SLCO3A1: variants seen among roughly 807,000 people sequenced by gnomAD.
SLCO3A1 encodes the protein PGE1 transporter.
In SLCO3A1, 27 loss-of-function variants were observed where a neutral mutation model predicts 63.1. The ratio of observed to expected loss-of-function variants is 0.43; its 90% CI spans 0.32 to 0.59. The LOEUF (loss-of-function observed/expected upper bound fraction) is 0.59. Ranked by LOEUF, SLCO3A1 falls within the 20% of genes least tolerant of loss-of-function variation. SLCO3A1 has a pLI of 0.09. For synonymous variants in SLCO3A1, 473 were observed against 409.9 expected (o/e 1.15, Z -1.86); for missense variants, 773 against 945.8 (o/e 0.82, Z 2.40).
At chr15:92,096,450 G>C (rs1472737653) in intron 3 of SLCO3A1, among the ~76,000 whole-genome samples, 2 of 152,200 alleles carry the variant, frequency 1.3e-5, no homozygotes, top group African/African-American at 4.8e-5. Flanking sequence ...GACCGTCTGG[G>C]TCATTGCCTA....
intron 9 of SLCO3A1, among the ~76,000 whole-genome samples, chr15:92,159,350 T>G (rs1162397758): frequency 6.6e-6 from 1 of 152,014 alleles, no homozygotes; most frequent in South Asian, 2.1e-4. Context: ...CCGGGCGTGG[T>G]GGCAGGCACC....
At chr15:91,994,480 A>T (rs1395440765) in intron 2 of SLCO3A1, among the ~76,000 whole-genome samples, 2 of 152,224 alleles carry the variant, frequency 1.3e-5, no homozygotes, top group African/African-American at 4.8e-5. Context: ...TTTTAAATGA[A>T]CTAAGCAGCC....
chr15:92,056,727 G>A (rs990303848), intron 2 of SLCO3A1, among the ~76,000 whole-genome samples: 4 of 152,282 alleles, frequency 2.6e-5, no homozygotes, highest in East Asian at 1.9e-4. Flanking sequence ...GCTGAGAAAA[G>A]GCACCTCTTA....
intron 2 of SLCO3A1, among the ~76,000 whole-genome samples, chr15:92,050,960 G>C (rs1354222990): frequency 6.6e-6 from 1 of 152,110 alleles, no homozygotes; most frequent in Non-Finnish European, 1.5e-5. Flanking sequence ...TTCAGACATA[G>C]TCTTCTTGTC....
chr15:91,949,325 G>A (rs967608037), intron 2 of SLCO3A1, among the ~76,000 whole-genome samples: 2 of 152,178 alleles, frequency 1.3e-5, no homozygotes, highest in Non-Finnish European at 2.9e-5. Context: ...GATAAGGGTA[G>A]TACCCATGCG....
chr15:92,005,944 A>G (rs1488818534), intron 2 of SLCO3A1, among the ~76,000 whole-genome samples: 1 of 152,002 alleles, frequency 6.6e-6, no homozygotes, highest in African/African-American at 2.4e-5. Flanking sequence ...TCTAACTCTC[A>G]CAGGAGGAAT....
chr15:92,121,945 C>T (rs565385132), intron 5 of SLCO3A1, among the ~76,000 whole-genome samples: 10 of 152,250 alleles, frequency 6.6e-5, no homozygotes, highest in Non-Finnish European at 1.2e-4. Flanking sequence ...CGGTGGCACC[C>T]GTTCTGTGGT....
At chr15:92,082,145 G>A (rs1389359187) in intron 2 of SLCO3A1, among the ~76,000 whole-genome samples, 1 of 152,182 alleles carries the variant, frequency 6.6e-6, no homozygotes, top group African/African-American at 2.4e-5. Context: ...CATAAGCAAG[G>A]TCAGTTATGT....
At chr15:92,086,396 C>T (rs914521765) in intron 2 of SLCO3A1, among the ~76,000 whole-genome samples, 2 of 152,068 alleles carry the variant, frequency 1.3e-5, no homozygotes, top group Admixed American at 6.5e-5. Flanking sequence ...TCTTATTGTT[C>T]ATTTGGATTT....
intron 3 of SLCO3A1, 77 bp from the exon 4 acceptor site, chr15:92,104,202 C>G: frequency 6.6e-7 from 1 of 1,522,390 alleles, no homozygotes; most frequent in Non-Finnish European, 9.0e-7. Flanking sequence ...CTCTGTTCAG[C>G]GGATTCAGAT....
At chr15:92,067,441 C>T (rs182283972) in intron 2 of SLCO3A1, among the ~76,000 whole-genome samples, 5 of 152,282 alleles carry the variant, frequency 3.3e-5, no homozygotes, top group East Asian at 3.9e-4. Flanking sequence ...AAGTTGACTA[C>T]GGGAATGACA....
At chr15:91,899,353 T>G (rs1898092729) in intron 1 of SLCO3A1, among the ~76,000 whole-genome samples, 1 of 152,204 alleles carries the variant, frequency 6.6e-6, no homozygotes, top group African/African-American at 2.4e-5. Context: ...AGTACCTGGT[T>G]AGTTCACCAA....
Position 91,968,107 on chromosome 15 carries a change from G to T in SLCO3A1, c.646+51649G>T, listed in dbSNP as rs1317924832. On this transcript the variant is annotated intron_variant, in intron 2 of 9. Transcript: ENST00000318445. This position sits in a 1 kb window ranked among gnomAD's most constrained non-coding sequence, Gnocchi z 4.2. Reference sequence around the variant, plus strand: ...GAAAGTACCCAGGGAAGCCACTTACGGCCTATCCATCAAAGCACAGTGCGT... The same window carrying T: ...GAAAGTACCCAGGGAAGCCACTTACTGCCTATCCATCAAAGCACAGTGCGT... 6.6e-6 allele frequency among the ~76,000 whole-genome samples: 1 copy of T among 152,028 alleles called. No individual in the cohort carries two copies. The highest frequency in any genetic ancestry group is 2.4e-5 in the African/African-American group (1 of 41,388).
At chr15:91,945,621 A>G (rs1264938887) in intron 2 of SLCO3A1, among the ~76,000 whole-genome samples, 1 of 152,158 alleles carries the variant, frequency 6.6e-6, no homozygotes, top group East Asian at 1.9e-4. Flanking sequence ...GCAGAGGGAG[A>G]TGGAGAGTTG....
chr15:91,871,975 T>A (rs1449250161), intron 1 of SLCO3A1, among the ~76,000 whole-genome samples: 1 of 152,174 alleles, frequency 6.6e-6, no homozygotes, highest in Non-Finnish European at 1.5e-5. Flanking sequence ...TGGTTTTGTT[T>A]TGCTGATACA....
At chr15:92,159,965 C>G (rs1205496277) in intron 9 of SLCO3A1, among the ~76,000 whole-genome samples, 2 of 152,110 alleles carry the variant, frequency 1.3e-5, no homozygotes, top group East Asian at 3.9e-4. Flanking sequence ...TTGCACCGAC[C>G]TGGAATTTGT....
intron 4 of SLCO3A1, among the ~76,000 whole-genome samples, chr15:92,110,632 G>T (rs981188346): frequency 5.3e-5 from 8 of 152,104 alleles, no homozygotes; most frequent in Non-Finnish European, 1.0e-4. Context: ...TGACCTGGTG[G>T]TACCCCTTCC....
At chr15:92,039,951 A>T (rs1179718906) in intron 2 of SLCO3A1, among the ~76,000 whole-genome samples, 1 of 152,226 alleles carries the variant, frequency 6.6e-6, no homozygotes, top group African/African-American at 2.4e-5. Context: ...ATCCTCAGCA[A>T]CATAACACAG....
chr15:91,983,804 A>T (rs746656891), intron 2 of SLCO3A1, among the ~76,000 whole-genome samples: 14 of 152,312 alleles, frequency 9.2e-5, no homozygotes, highest in Non-Finnish European at 2.1e-4. Context: ...GAATTCACAA[A>T]CATGTTTATA....
Sources: gnomAD v4.1 joint callset for allele counts (sites outside exome capture counted in the v4.1 genomes callset) on GRCh38, gnomAD v4.1.1 for gene constraint, Gnocchi (gnomAD v3.1) non-coding constraint, MANE v1.5 for transcripts, NCBI Gene and HGNC (gene_info 2026-07-23, HGNC 2026-07-21) for gene names.